The following ZFYVE9 variants were observed in gnomAD, a reference collection of about 807,000 sequenced individuals.
ZFYVE9 encodes zinc finger FYVE-type containing 9, also known as zinc finger FYVE domain-containing protein 9.
Under a neutral mutation model 126.7 loss-of-function variants are expected in ZFYVE9, and 43 were observed. The observed-to-expected ratio is 0.34, with a 90% confidence interval of 0.27 to 0.44. ZFYVE9 has a LOEUF of 0.44. Among genes scored for constraint, ZFYVE9 ranks in the 20% least tolerant of loss-of-function variants. The pLI is 1.00. For synonymous variants in ZFYVE9, 521 were observed against 597.4 expected, an observed-to-expected ratio of 0.87 and a Z score of 1.87; for missense variants, 1,476 against 1,697.0, an observed-to-expected ratio of 0.87 and a Z score of 2.29.
chr1:52,193,449 G>A (rs576828339), intron 1 of ZFYVE9, among the ~76,000 whole-genome samples: 103 of 147,472 alleles, frequency 7.0e-4, no homozygotes, highest in African/African-American at 2.4e-3. Context: ...GCTCATGTCT[G>A]TAATCCCAGC....
chr1:52,172,254 G>A (rs1277047773), intron 1 of ZFYVE9, among the ~76,000 whole-genome samples: 1 of 152,176 alleles, frequency 6.6e-6, no homozygotes. Flanking sequence ...TTATTAAATA[G>A]GGAATCCTTT....
intron 1 of ZFYVE9, among the ~76,000 whole-genome samples, chr1:52,171,359 A>G (rs972568908): frequency 2.6e-5 from 4 of 152,152 alleles, no homozygotes; most frequent in Admixed American, 2.0e-4. Flanking sequence ...ATAGTATTCC[A>G]TGGTGTATAT....
At chr1:52,253,513 G>C in intron 4 of ZFYVE9, 1 of 651,074 alleles carries the variant, frequency 1.5e-6, no homozygotes, top group Non-Finnish European at 2.8e-6. Context: ...AGCCACACGT[G>C]GGTCGCTGGG....
chr1:52,179,114 T>C (rs758900247), intron 1 of ZFYVE9, among the ~76,000 whole-genome samples: 5 of 152,076 alleles, frequency 3.3e-5, no homozygotes, highest in African/African-American at 7.2e-5. Flanking sequence ...ACAAGAGATA[T>C]TTAGGGTTTG....
chr1:52,162,893 T>G lies in ZFYVE9; in HGVS notation c.-143+20490T>G, dbSNP rs533743099. The stretch of plus-strand genomic sequence containing the variant: ...GATCGAGAATGGGATTCAGAGTGTT[T>G]GAAAACCCTTGAAGGACTACGAGAT... On this transcript the variant is annotated intron_variant, in intron 1 of 18. Coordinates refer to ENST00000287727, the MANE Select transcript of ZFYVE9 (RefSeq NM_004799.4). The G allele has an allele frequency of 2.0e-5, 10 of 508,248 alleles. No individual in the cohort carries two copies. The East Asian group carries it at 4.3e-4, about 22-fold the overall frequency. 31.5% of individuals were successfully genotyped at this position (508,248 alleles called of 1,614,324 possible). A position where few individuals can be genotyped will look rare whatever the true frequency, so the allele number is the denominator to read the frequency against.
At chr1:52,205,628 C>G (rs947493670) in intron 1 of ZFYVE9, among the ~76,000 whole-genome samples, 2 of 151,870 alleles carry the variant, frequency 1.3e-5, no homozygotes, top group African/African-American at 4.8e-5. Flanking sequence ...CTGCCTTGGC[C>G]TCCCAGAGCA....
chr1:52,191,181 C>T (rs1036474336), intron 1 of ZFYVE9, among the ~76,000 whole-genome samples: 2 of 152,148 alleles, frequency 1.3e-5, no homozygotes, highest in Admixed American at 6.5e-5. Flanking sequence ...CTCAAGCAGT[C>T]CACCTGCTTT....
chr1:52,320,534 A>C (rs1322648624), intron 13 of ZFYVE9, among the ~76,000 whole-genome samples: 1 of 152,210 alleles, frequency 6.6e-6, no homozygotes, highest in African/African-American at 2.4e-5. Flanking sequence ...CAAAAGGATA[A>C]TCTTTTGAAC....
intron 1 of ZFYVE9, among the ~76,000 whole-genome samples, chr1:52,180,813 TA>T (rs1474561895): frequency 6.6e-6 from 1 of 151,490 alleles, no homozygotes; most frequent in Non-Finnish European, 1.5e-5. Context: ...CTGTCTCCAC[TA>T]AAAATACAAA....
intron 9 of ZFYVE9, among the ~76,000 whole-genome samples, chr1:52,280,506 C>T (rs750783543): frequency 1.4e-4 from 21 of 151,790 alleles, no homozygotes; most frequent in Non-Finnish European, 2.9e-4. Flanking sequence ...TTTTGATTAA[C>T]ATTTGTTTTG....
At chr1:52,193,666 C>CACT (rs536350231) in intron 1 of ZFYVE9, among the ~76,000 whole-genome samples, 128 of 134,354 alleles carry the variant, frequency 9.5e-4, no homozygotes, top group African/African-American at 3.5e-3. Context: ...GAGATCGTGC[C>CACT]ACTACACTCA....
chr1:52,300,414 A>C (rs1646022623), intron 12 of ZFYVE9, among the ~76,000 whole-genome samples: 1 of 151,518 alleles, frequency 6.6e-6, no homozygotes, highest in South Asian at 2.1e-4. Context: ...ATATGGTGTA[A>C]CCCCGTCTCT....
chr1:52,159,109 G>C (rs1415636133), intron 1 of ZFYVE9, among the ~76,000 whole-genome samples: 1 of 152,102 alleles, frequency 6.6e-6, no homozygotes, highest in African/African-American at 2.4e-5. Context: ...TATGTTTTGT[G>C]TTCCCCTTCC....
chr1:52,336,946 T>TCAAAAAAAAAAAAAAAA (rs1646395568), intron 15 of ZFYVE9, among the ~76,000 whole-genome samples: 1 of 56,864 alleles, frequency 1.8e-5, no homozygotes, highest in Non-Finnish European at 4.1e-5. Context: ...CAGTCATCTC[T>TCAAAAAAAAAAAAAAAA]TAAAAAAAAA....
In ZFYVE9 at chr1:52,278,482, C is replaced by T. The variant is rs200561187; in HGVS notation, c.2747-10C>T. 7.6e-5 allele frequency: 123 copies of T among 1,614,020 alleles called. 2 individuals are homozygous for T. In the African/African-American group the frequency reaches 1.5e-3, roughly 20 times the overall value. On this transcript the variant is annotated splice_polypyrimidine_tract_variant and intron_variant, in intron 8 of 18. Transcript: ENST00000287727. ...TAACCAATCTATTACATTGTTTTCT[C>T]CCCTTTCAGACTATGCTGTGGAAGA... is the stretch of plus-strand genomic sequence containing the variant.
chr1:52,289,196 T>A (rs1388100329), intron 10 of ZFYVE9, among the ~76,000 whole-genome samples: 1 of 152,186 alleles, frequency 6.6e-6, no homozygotes, highest in Non-Finnish European at 1.5e-5. Context: ...TTTGAAAGGC[T>A]GCGTGACATA....
At chr1:52,253,811 T>G (rs1645475564) in intron 4 of ZFYVE9, 1 of 1,582,444 alleles carries the variant, frequency 6.3e-7, no homozygotes, top group Non-Finnish European at 8.7e-7. Flanking sequence ...CCTCATTTAG[T>G]GAACATCCAA....
At chr1:52,279,672 T>C (rs1645783047) in intron 9 of ZFYVE9, among the ~76,000 whole-genome samples, 1 of 152,290 alleles carries the variant, frequency 6.6e-6, no homozygotes, top group South Asian at 2.1e-4. Context: ...TCTCACCATG[T>C]TGCCCAGGTT....
chr1:52,162,990 T>G (rs1388803945), intron 1 of ZFYVE9: 1 of 375,020 alleles, frequency 2.7e-6, no homozygotes, highest in African/African-American at 2.1e-5. Flanking sequence ...GAAGACTCAT[T>G]TACTTAGGAC....
Sources: gnomAD v4.1 joint callset for allele counts (sites outside exome capture counted in the v4.1 genomes callset) on GRCh38, gnomAD v4.1.1 for gene constraint, MANE v1.5 for transcripts, NCBI Gene and HGNC (gene_info 2026-07-23, HGNC 2026-07-21) for gene names.